Variants in SPATA17 observed in about 807,000 individuals in gnomAD.
SPATA17 encodes spermatogenesis-associated protein 17.
In SPATA17, 53 loss-of-function variants were observed where a neutral mutation model predicts 62.2. That is an observed-to-expected ratio of 0.85 (90% CI 0.68 to 1.07). SPATA17 has a LOEUF of 1.07. Among genes scored for constraint, SPATA17 ranks in the 50% least tolerant of loss-of-function variants. The pLI is 0.00. For synonymous variants in SPATA17, 146 were observed against 146.8 expected (o/e 0.99, Z 0.04); for missense variants, 466 against 425.5 (o/e 1.10, Z -0.84).
At chr1:217,864,020 A>T (rs2103017378) in intron 10 of SPATA17, among the ~76,000 whole-genome samples, 1 of 152,332 alleles carries the variant, frequency 6.6e-6, no homozygotes, top group African/African-American at 2.4e-5. Flanking sequence ...GGAAGTTAAT[A>T]TGTTAAATGC....
chr1:217,766,290 T>C (rs774611854), intron 6 of SPATA17, among the ~76,000 whole-genome samples: 6 of 152,084 alleles, frequency 3.9e-5, no homozygotes, highest in Non-Finnish European at 7.4e-5. Flanking sequence ...TTTGTGATTT[T>C]AACTGCATAT....
intron 6 of SPATA17, among the ~76,000 whole-genome samples, chr1:217,754,189 C>T (rs992157910): frequency 1.3e-5 from 2 of 151,996 alleles, no homozygotes; most frequent in Non-Finnish European, 2.9e-5. Context: ...GAGCCATGAT[C>T]GCGCCACTGT....
At position 217,798,874 on chromosome 1, in the gene SPATA17, C is replaced by CT. The variant is rs879820882; in HGVS notation, c.873-2827dup. ...CTGGCAACAGCATTCTATTTTCTGTCTTTTTTTTTTTTTTTTTCTGAGACG... is the reference window on the plus strand; with the variant it reads ...CTGGCAACAGCATTCTATTTTCTGTCTTTTTTTTTTTTTTTTTTCTGAGACG... On this transcript the variant is annotated intron_variant, in intron 8 of 10. Coordinates refer to ENST00000366933, the MANE Select transcript of SPATA17 (RefSeq NM_138796.4). 2.4e-3 allele frequency among the ~76,000 whole-genome samples: 331 copies of CT among 139,946 alleles called. 1 individual carries two copies. The highest frequency in any genetic ancestry group is 4.5e-3 in the South Asian group (20 of 4,452). The allele number at this position is 139,946 out of a possible 152,430, so 91.8% of individuals were successfully genotyped here.
intron 5 of SPATA17, among the ~76,000 whole-genome samples, chr1:217,701,311 GTGTGTGTATATATA>G (rs1048809448): frequency 6.6e-6 from 1 of 151,846 alleles, no homozygotes; most frequent in African/African-American, 2.4e-5. Context: ...ATGTGTGTGT[GTGTGTGTATATATA>G]TGTGTGTATA....
chr1:217,644,741 A>C (rs1299078285), intron 1 of SPATA17, among the ~76,000 whole-genome samples: 1 of 152,038 alleles, frequency 6.6e-6, no homozygotes, highest in Non-Finnish European at 1.5e-5. Flanking sequence ...TTGATGATGA[A>C]GTGACTGGAA....
At chr1:217,679,809 AT>A (rs1298157700) in intron 4 of SPATA17, among the ~76,000 whole-genome samples, 2 of 151,912 alleles carry the variant, frequency 1.3e-5, no homozygotes, top group East Asian at 1.9e-4. Flanking sequence ...ACATTGTTGG[AT>A]TTTTTCTTTT....
At chr1:217,858,366 G>C (rs1210468036) in intron 9 of SPATA17, among the ~76,000 whole-genome samples, 1 of 152,180 alleles carries the variant, frequency 6.6e-6, no homozygotes, top group Non-Finnish European at 1.5e-5. Context: ...TAAGGAATGA[G>C]AGAGGAAAAT....
intron 5 of SPATA17, among the ~76,000 whole-genome samples, chr1:217,741,444 G>A (rs779909406): frequency 3.9e-5 from 6 of 152,098 alleles, no homozygotes; most frequent in Non-Finnish European, 7.4e-5. Flanking sequence ...CCTTTGAAGT[G>A]CAAGATAATA....
chr1:217,798,377 T>C (rs1674209480), intron 8 of SPATA17, among the ~76,000 whole-genome samples: 1 of 152,216 alleles, frequency 6.6e-6, no homozygotes, highest in Non-Finnish European at 1.5e-5. Context: ...GAAAAGTAAA[T>C]AATTTTATAC....
chr1:217,690,521 G>T (rs1337908914), intron 5 of SPATA17, among the ~76,000 whole-genome samples: 1 of 134,642 alleles, frequency 7.4e-6, no homozygotes, highest in African/African-American at 2.8e-5. Flanking sequence ...TAAGTTTTAG[G>T]GTACATGTGC....
chr1:217,685,645 C>T (rs958593585), intron 5 of SPATA17, among the ~76,000 whole-genome samples: 2 of 152,044 alleles, frequency 1.3e-5, no homozygotes, highest in Non-Finnish European at 2.9e-5. Context: ...AATAGATGTA[C>T]TAATATCAAA....
intron 9 of SPATA17, among the ~76,000 whole-genome samples, chr1:217,843,922 T>G (rs1308288749): frequency 6.6e-6 from 1 of 152,168 alleles, no homozygotes; most frequent in Non-Finnish European, 1.5e-5. Flanking sequence ...ACTGTGACAG[T>G]GCTGGAAAAT....
chr1:217,768,023 G>T (rs569943434), intron 6 of SPATA17, among the ~76,000 whole-genome samples: 2 of 152,082 alleles, frequency 1.3e-5, no homozygotes, highest in Non-Finnish European at 2.9e-5. Context: ...GAGGCAGGCA[G>T]ATCACGAGGT....
chr1:217,733,866 T>A (rs1291375066), intron 5 of SPATA17, among the ~76,000 whole-genome samples: 1 of 152,224 alleles, frequency 6.6e-6, no homozygotes, highest in Non-Finnish European at 1.5e-5. Context: ...AGGCGCAACC[T>A]GAGTGCTTGA....
intron 6 of SPATA17, among the ~76,000 whole-genome samples, chr1:217,767,156 A>G (rs953200345): frequency 2.0e-5 from 3 of 151,434 alleles, no homozygotes; most frequent in African/African-American, 7.3e-5. Flanking sequence ...GGCTTGTGGC[A>G]TTTTTCTCTA....
intron 4 of SPATA17, among the ~76,000 whole-genome samples, chr1:217,673,727 C>G (rs1670883707): frequency 6.6e-6 from 1 of 152,088 alleles, no homozygotes; most frequent in East Asian, 1.9e-4. Flanking sequence ...TCATCTTAGC[C>G]CTCCAAATAC....
At chr1:217,754,386 A>C (rs1672992063) in intron 6 of SPATA17, among the ~76,000 whole-genome samples, 1 of 152,190 alleles carries the variant, frequency 6.6e-6, no homozygotes, top group African/African-American at 2.4e-5. Flanking sequence ...AATAAAATCC[A>C]AATCTTAGAA....
intron 1 of SPATA17, among the ~76,000 whole-genome samples, chr1:217,632,537 C>G (rs1041569404): frequency 3.3e-5 from 5 of 152,184 alleles, no homozygotes; most frequent in African/African-American, 1.2e-4. Flanking sequence ...TCACAACGTA[C>G]CTCTCTTACA....
At chr1:217,684,474 G>C (rs1441749103) in intron 5 of SPATA17, among the ~76,000 whole-genome samples, 7 of 152,002 alleles carry the variant, frequency 4.6e-5, no homozygotes, top group Non-Finnish European at 1.0e-4. Context: ...GAGTGCAGTG[G>C]CACGATCTCG....
Sources: gnomAD v4.1 joint callset for allele counts (sites outside exome capture counted in the v4.1 genomes callset) on GRCh38, gnomAD v4.1.1 for gene constraint, MANE v1.5 for transcripts, NCBI Gene and HGNC (gene_info 2026-07-23, HGNC 2026-07-21) for gene names.